Variants in HINT3 observed in about 807,000 individuals in gnomAD.
The protein encoded by HINT3 is histidine triad nucleotide binding protein 3, also known as adenosine 5'-monophosphoramidase HINT3.
A neutral mutation model predicts 19.1 loss-of-function variants in HINT3; 16 were observed. The observed-to-expected ratio is 0.84, with a 90% CI of 0.57 to 1.27. The LOEUF (loss-of-function observed/expected upper bound fraction) is 1.27. Among genes scored for constraint, HINT3 ranks in the 50% most tolerant of loss-of-function variants. The pLI is 0.00. For synonymous variants in HINT3, 75 were observed against 84.8 expected (o/e 0.88, Z 0.63); for missense variants, 197 against 225.8 (o/e 0.87, Z 0.82).
chr6:125,980,060 G>A lies in HINT3; in HGVS notation c.*2384G>A, dbSNP rs1195135438. ...GCCTTTTCAGTAGTCTAAATATTTG[G>A]TAACTCCCTAGCCATCTATAACACT... On this transcript the variant is annotated 3_prime_UTR_variant, in exon 5 of 5. Coordinates refer to ENST00000229633, the MANE Select transcript of HINT3 (RefSeq NM_138571.5). 6.6e-6 allele frequency: 1 copy of A among 152,032 alleles called. No individual in the cohort carries two copies. The highest frequency in any genetic ancestry group is 1.9e-4 in the East Asian group (1 of 5,188). The allele number at this position is 152,032 out of a possible 1,614,324, so 9.4% of individuals were successfully genotyped here.
intron 1 of HINT3, among the ~76,000 whole-genome samples, chr6:125,961,026 A>G (rs1788917411): frequency 6.6e-6 from 1 of 152,206 alleles, no homozygotes; most frequent in Admixed American, 6.5e-5. Context: ...GCTTTGTCTG[A>G]AAATAGTCAT....
rs1220782036 is a variant in HINT3, at chr6:125,978,288, ATATAATT to A, written c.*617_*623del. 1 of 152,030 alleles carries A rather than the reference ATATAATT, an allele frequency of 6.6e-6. No individual in the cohort carries two copies. The highest frequency in any genetic ancestry group is 1.9e-4 in the East Asian group (1 of 5,208). 9.4% of individuals were successfully genotyped at this position (152,030 alleles called of 1,614,324 possible). On this transcript the variant is annotated 3_prime_UTR_variant, in exon 5 of 5. Transcript: ENST00000229633. The stretch of plus-strand genomic sequence containing the variant: ...ATCTATCCTGAAAGCTATATAATAT[ATATAATT>A]TATATCAATGAATTTACAATAACTA...
intron 3 of HINT3, 25 bp downstream of exon 3, chr6:125,972,353 C>T (rs755452295): frequency 2.3e-6 from 3 of 1,330,756 alleles, no homozygotes; most frequent in East Asian, 2.6e-5. Context: ...AGATGGAAAC[C>T]AATATTATAC....
At chr6:125,976,700 T>G (rs922857788) in intron 4 of HINT3, among the ~76,000 whole-genome samples, 1 of 152,088 alleles carries the variant, frequency 6.6e-6, no homozygotes, top group Non-Finnish European at 1.5e-5. Context: ...TCTTATAAAA[T>G]ATGTTGTTGG....
At chr6:125,961,139 A>G (rs940143507) in intron 1 of HINT3, among the ~76,000 whole-genome samples, 2 of 152,154 alleles carry the variant, frequency 1.3e-5, no homozygotes, top group Non-Finnish European at 2.9e-5. Flanking sequence ...TTTTCATGGT[A>G]GAAATAAGAC....
intron 1 of HINT3, among the ~76,000 whole-genome samples, chr6:125,957,390 C>T (rs905810356): frequency 2.6e-5 from 4 of 152,206 alleles, no homozygotes; most frequent in Non-Finnish European, 4.4e-5. Context: ...TGATGACAGA[C>T]TCACTCCTAG....
chr6:125,959,188 C>T (rs936009440), intron 1 of HINT3, among the ~76,000 whole-genome samples: 22 of 152,206 alleles, frequency 1.4e-4, no homozygotes, highest in African/African-American at 5.1e-4. Flanking sequence ...ACCCAGATTA[C>T]AGGAACTGTC....
rs756880654 is a variant in HINT3 at position 125,972,331 on chromosome 6, G to A, written c.389+3G>A. ...TTCACTGACTTCACGAATGTGAGGT[G>A]TGTATACTTCCAGATGGAAACCAAT... On this transcript the variant is annotated splice_donor_region_variant and intron_variant, in intron 3 of 4. Coordinates refer to ENST00000229633, the MANE Select transcript of HINT3 (RefSeq NM_138571.5). 1.3e-6 allele frequency: 2 copies of A among 1,529,744 alleles called. No individual in the cohort carries two copies. Among genetic ancestry groups the A allele is most frequent in the Middle Eastern group, 1.7e-4 (1 of 5,886 alleles). The allele number at this position is 1,529,744 out of a possible 1,614,324, so 94.8% of individuals were successfully genotyped here.
chr6:125,976,879 CTTTAG>C (rs1316244055), intron 4 of HINT3, among the ~76,000 whole-genome samples: 1 of 152,188 alleles, frequency 6.6e-6, no homozygotes, highest in African/African-American at 2.4e-5. Flanking sequence ...AACTCACAGA[CTTTAG>C]TTTACCTTTT....
Position 125,956,930 on chromosome 6 carries a change from C to G in HINT3, c.-48C>G, listed in dbSNP as rs144652420. 6.6e-7 allele frequency: 1 copy of G among 1,524,862 alleles called. No individual in the cohort carries two copies. Among genetic ancestry groups the G allele is most frequent in the Non-Finnish European group, 8.9e-7 (1 of 1,129,664 alleles). The allele number at this position is 1,524,862 out of a possible 1,614,324, so 94.5% of individuals were successfully genotyped here. On this transcript the variant is annotated 5_prime_UTR_variant, in exon 1 of 5. Transcript: ENST00000229633. ...GCGGGACGCGGAGACTGCGCGGGCCCGGTAGCCCTGGAGAGGCCGAGGCTC... is the reference window on the plus strand; with the variant it reads ...GCGGGACGCGGAGACTGCGCGGGCCGGGTAGCCCTGGAGAGGCCGAGGCTC...
rs1789025135 is a variant in HINT3 at position 125,966,888 on chromosome 6, A to AT, written c.204dup (p.Glu69Ter). On this transcript the variant is annotated frameshift_variant and splice_region_variant, in exon 2 of 5. Coordinates refer to ENST00000229633, the MANE Select transcript of HINT3 (RefSeq NM_138571.5). LOFTEE classifies it high-confidence loss of function. ...ACTAACAAATGTTTTTTCCTTTAGA[A>AT]TGAGGACCTAATTTGCTTCAAAGAT... 6.3e-7 allele frequency: 1 copy of AT among 1,598,236 alleles called. No individual in the cohort carries two copies. The highest frequency in any genetic ancestry group is 8.6e-7 in the Non-Finnish European group (1 of 1,168,484).
At chr6:125,976,137 TAGTC>T (rs1789175840) in intron 4 of HINT3, among the ~76,000 whole-genome samples, 1 of 152,242 alleles carries the variant, frequency 6.6e-6, no homozygotes, top group African/African-American at 2.4e-5. Flanking sequence ...GGTATTATTC[TAGTC>T]ATAGTACAGA....
chr6:125,960,672 A>AGGG (rs1395716444), intron 1 of HINT3, among the ~76,000 whole-genome samples: 1 of 83,434 alleles, frequency 1.2e-5, no homozygotes, highest in African/African-American at 3.2e-5. Flanking sequence ...GGGGAAAAAA[A>AGGG]AAGAAGTTAG....
chr6:125,968,366 G>T (rs7743688), intron 2 of HINT3, among the ~76,000 whole-genome samples: 108,191 of 152,142 alleles, frequency 0.71, 38,993 homozygotes, highest in East Asian at 0.95. Context: ...TAGCTGCATA[G>T]TATTACATGG....
chr6:125,963,240 T>C (rs756569701), intron 1 of HINT3, among the ~76,000 whole-genome samples: 7 of 152,162 alleles, frequency 4.6e-5, no homozygotes, highest in Non-Finnish European at 1.0e-4. Context: ...TTGCCATTCT[T>C]GACATCCGTG....
chr6:125,966,689 T>TA (rs552933794), intron 1 of HINT3, among the ~76,000 whole-genome samples, 198 bp from the exon 2 acceptor site: 132 of 152,340 alleles, frequency 8.7e-4, no homozygotes, highest in African/African-American at 2.6e-3. Flanking sequence ...GTGTCTTTTT[T>TA]ATTCTCTGGA....
chr6:125,974,963 G>T lies in HINT3; in HGVS notation c.506G>T (p.Trp169Leu), dbSNP rs1174176015. Residue 169 changes from tryptophan to leucine, a missense_variant, in exon 4 of 5, where the codon TGG (tryptophan) becomes TTG (leucine). Coordinates refer to ENST00000229633, the MANE Select transcript of HINT3 (RefSeq NM_138571.5). ...TTGGTTTATAGAGTCAATTCCTATTGGTTTATCACAGTGAGTATTCTTGTT... is the reference window on the plus strand; with the variant it reads ...TTGGTTTATAGAGTCAATTCCTATTTGTTTATCACAGTGAGTATTCTTGTT... ...SKLVYRVNSY[W>L]FITADHLIEK... is the part of the protein sequence containing the mutation. 1 of 1,613,548 alleles carries T rather than the reference G, an allele frequency of 6.2e-7. No homozygotes were observed. The highest frequency in any genetic ancestry group is 1.7e-5 in the Admixed American group (1 of 59,986).
intron 4 of HINT3, among the ~76,000 whole-genome samples, chr6:125,975,725 A>G (rs1213675789): frequency 1.3e-5 from 2 of 151,870 alleles, no homozygotes; most frequent in Non-Finnish European, 2.9e-5. Context: ...CTACAGGTGC[A>G]TGCCACCATG....
chr6:125,975,651 C>T (rs983691381), intron 4 of HINT3, among the ~76,000 whole-genome samples: 3 of 147,902 alleles, frequency 2.0e-5, no homozygotes, highest in Non-Finnish European at 4.4e-5. Flanking sequence ...AATCTTGGCT[C>T]ACTGCAACCT....
Sources: allele counts gnomAD v4.1 joint callset (sites outside exome capture counted in the v4.1 genomes callset), GRCh38; gene constraint gnomAD v4.1.1; transcripts MANE v1.5; gene names NCBI Gene and HGNC (gene_info 2026-07-23, HGNC 2026-07-21).